The following ZNF236 variants were observed in gnomAD, a reference collection of about 807,000 sequenced individuals.
The protein encoded by ZNF236 is regulated by glucose.
ZNF236 carries 50 observed loss-of-function variants against 191.2 expected under a neutral mutation model. The ratio of observed to expected loss-of-function variants is 0.26; its 90% CI spans 0.21 to 0.33. The LOEUF (loss-of-function observed/expected upper bound fraction) is 0.33. Among genes scored for constraint, ZNF236 ranks in the 10% least tolerant of loss-of-function variants. The pLI, the probability that ZNF236 is intolerant of heterozygous loss-of-function variation, is 1.00. For synonymous variants in ZNF236, 907 were observed against 928.8 expected (o/e 0.98, Z 0.43); for missense variants, 1,754 against 2,374.5 (o/e 0.74, Z 5.43).
chr18:76,930,671 C>A (rs962032747), intron 25 of ZNF236, among the ~76,000 whole-genome samples: 1 of 152,094 alleles, frequency 6.6e-6, no homozygotes, highest in African/African-American at 2.4e-5. Context: ...GGCAAGCCTG[C>A]CCAGTGGAGG....
At chr18:76,831,574 G>A (rs925027162) in intron 1 of ZNF236, among the ~76,000 whole-genome samples, 6 of 152,100 alleles carry the variant, frequency 3.9e-5, no homozygotes, top group African/African-American at 1.2e-4. Flanking sequence ...CTGCTGGGTT[G>A]TATGGGAAAA....
In ZNF236 at chr18:76,968,690, C is replaced by G. The variant is rs1009498460; in HGVS notation, c.*351C>G. On this transcript the variant is annotated 3_prime_UTR_variant, in exon 31 of 31. Coordinates refer to ENST00000320610, the MANE Select transcript of ZNF236 (RefSeq NM_001306089.2). The stretch of plus-strand genomic sequence containing the variant: ...CTTTGTATTAGCAAAGACAAAAACG[C>G]TAACATTGAAAAAGTATGTCAGATT... The G allele has an allele frequency of 2.0e-5, 20 of 1,016,446 alleles. No homozygotes were observed. The highest frequency in any genetic ancestry group is 2.4e-5 in the Non-Finnish European group (20 of 850,658). 63.0% of individuals were successfully genotyped at this position (1,016,446 alleles called of 1,614,324 possible).
chr18:76,917,784 G>A (rs1967412605), intron 19 of ZNF236, among the ~76,000 whole-genome samples: 1 of 152,062 alleles, frequency 6.6e-6, no homozygotes, highest in Middle Eastern at 3.2e-3. Flanking sequence ...GTGTGTTGGT[G>A]GGGCCGCTAT....
chr18:76,958,287 GT>G (rs1968572277), intron 28 of ZNF236, among the ~76,000 whole-genome samples: 1 of 152,204 alleles, frequency 6.6e-6, no homozygotes, highest in South Asian at 2.1e-4. Flanking sequence ...GGAGAACTAG[GT>G]TTACGTAACC....
At chr18:76,874,341 G>GT (rs1568206810) in intron 5 of ZNF236, among the ~76,000 whole-genome samples, 4 of 152,176 alleles carry the variant, frequency 2.6e-5, no homozygotes, top group Non-Finnish European at 5.9e-5. Flanking sequence ...TTCTTAGGGA[G>GT]TGAAAATTTA....
At chr18:76,856,841 C>T (rs969023987) in intron 3 of ZNF236, among the ~76,000 whole-genome samples, 1 of 152,150 alleles carries the variant, frequency 6.6e-6, no homozygotes, top group Non-Finnish European at 1.5e-5. Context: ...TCAGTCTGTT[C>T]ATTTATGGAT....
chr18:76,840,817 T>C (rs1247722245), intron 1 of ZNF236: 13 of 102,190 alleles, frequency 1.3e-4, no homozygotes, highest in Non-Finnish European at 4.0e-5. Flanking sequence ...GTGTTTTCTT[T>C]CTTTCTTTTT....
chr18:76,971,038 C>T lies in ZNF236; in HGVS notation c.*2699C>T, dbSNP rs1335370124. Among the ~76,000 whole-genome samples, 1 of 152,184 alleles carries T rather than the reference C, an allele frequency of 6.6e-6. No homozygotes were observed. Among genetic ancestry groups the T allele is most frequent in the African/African-American group, 2.4e-5 (1 of 41,440 alleles). On this transcript the variant is annotated 3_prime_UTR_variant, in exon 31 of 31. Coordinates refer to ENST00000320610, the MANE Select transcript of ZNF236 (RefSeq NM_001306089.2). ...GTCATTGAGGAACCTTTTGAAAGTT[C>T]CTAAGTGTTTTGATCCTGCTTGTGT...
Position 76,919,616 on chromosome 18 carries a change from A to G in ZNF236, c.3275-160A>G, listed in dbSNP as rs571597790. On this transcript the variant is annotated intron_variant, in intron 19 of 30. Coordinates refer to ENST00000320610, the MANE Select transcript of ZNF236 (RefSeq NM_001306089.2). This position sits in a 1 kb window ranked among gnomAD's most constrained non-coding sequence, Gnocchi z 5.3. ...TTCTTTCCATGACCTAAGTTTCTCA[A>G]TAGAGGTGGGAAAATATAGCAACTC... Among the ~76,000 whole-genome samples, 5 of 152,178 alleles carry G rather than the reference A, an allele frequency of 3.3e-5. No individual in the cohort carries two copies. The East Asian group carries it at 7.7e-4, about 23-fold the overall frequency.
rs1219226173 is a variant in ZNF236, at chr18:76,925,375, C to T, written c.3848C>T (p.Ala1283Val). Residue 1283 changes from alanine (A) to valine (V), a missense_variant, in exon 22 of 31, where the codon GCC becomes GTC. Transcript: ENST00000320610. The surrounding 1 kb of genome is among the most constrained non-coding windows in gnomAD (Gnocchi z 5.7). Reference protein sequence around the residue: ...QFHYKPDPKKARKPMTRSSSE... With the variant: ...QFHYKPDPKKVRKPMTRSSSE... ...CATTATAAACCAGACCCAAAGAAGG[C>T]CAGAAAGCCTATGACTCGAAGCTCA... 1 of 1,614,030 alleles carries T rather than the reference C, an allele frequency of 6.2e-7. No homozygotes were observed. Among genetic ancestry groups the T allele is most frequent in the Non-Finnish European group, 8.5e-7 (1 of 1,180,040 alleles).
chr18:76,966,420 T>C (rs928902064), intron 30 of ZNF236, among the ~76,000 whole-genome samples: 1 of 152,192 alleles, frequency 6.6e-6, no homozygotes, highest in Non-Finnish European at 1.5e-5. Flanking sequence ...CAGAAATTTA[T>C]TGGAGTAAAA....
Position 76,875,736 on chromosome 18 carries a change from C to G in ZNF236, c.840+72C>G. 2 of 1,297,506 alleles carry G rather than the reference C, an allele frequency of 1.5e-6. No homozygotes were observed. Among genetic ancestry groups the G allele is most frequent in the Non-Finnish European group, 2.0e-6 (2 of 1,005,166 alleles). The allele number at this position is 1,297,506 out of a possible 1,614,324, so 80.4% of individuals were successfully genotyped here. ...GGTATCTTTTGGGTTAATAAACGGA[C>G]CTGAGAAATTCTTTTCCATTTAAAA... On this transcript the variant is annotated intron_variant, in intron 6 of 30. Coordinates refer to ENST00000320610, the MANE Select transcript of ZNF236 (RefSeq NM_001306089.2). The surrounding 1 kb of genome is among the most constrained non-coding windows in gnomAD (Gnocchi z 4.3).
chr18:76,838,545 T>G (rs772656096), intron 1 of ZNF236, among the ~76,000 whole-genome samples: 1 of 152,166 alleles, frequency 6.6e-6, no homozygotes, highest in Non-Finnish European at 1.5e-5. Context: ...GGTCAGGTGG[T>G]AAATGTTTTA....
chr18:76,913,871 C>A lies in ZNF236; in HGVS notation c.3034C>A (p.Leu1012Ile). 6.2e-7 allele frequency: 1 copy of A among 1,614,210 alleles called. No individual in the cohort carries two copies. The highest frequency in any genetic ancestry group is 8.5e-7 in the Non-Finnish European group (1 of 1,180,028). Residue 1012 changes from leucine to isoleucine, a missense_variant, in exon 18 of 31, where the codon CTC becomes ATC. Physicochemically the swap from Leu to Ile is conservative, Grantham distance 5. Coordinates refer to ENST00000320610, the MANE Select transcript of ZNF236 (RefSeq NM_001306089.2). ...CGRGFVSSGV[L>I]KSHEKTHTGV... ...ACGCGGCTTTGTTTCCTCTGGGGTCCTCAAGTCCCACGAGAAGACACACAC... is the reference window on the plus strand; with the variant it reads ...ACGCGGCTTTGTTTCCTCTGGGGTCATCAAGTCCCACGAGAAGACACACAC...
intron 10 of ZNF236, chr18:76,898,045 C>T (rs938908299): frequency 1.3e-5 from 2 of 152,134 alleles, no homozygotes; most frequent in African/African-American, 2.4e-5. Flanking sequence ...GACTTCTGTC[C>T]GGATCAGATT....
intron 18 of ZNF236, 111 bp from the exon 19 acceptor site, chr18:76,915,536 G>T: frequency 2.1e-6 from 2 of 958,192 alleles, no homozygotes; most frequent in Non-Finnish European, 3.2e-6. Context: ...TAAGCCTCAG[G>T]ATAATGTTGT....
At chr18:76,873,570 G>A (rs767587619) in intron 5 of ZNF236, among the ~76,000 whole-genome samples, 2 of 152,214 alleles carry the variant, frequency 1.3e-5, no homozygotes, top group Non-Finnish European at 2.9e-5. Flanking sequence ...GCAATTCCGT[G>A]TTCTGGGCTT....
At chr18:76,834,068 G>T (rs1056911798) in intron 1 of ZNF236, among the ~76,000 whole-genome samples, 1 of 152,174 alleles carries the variant, frequency 6.6e-6, no homozygotes, top group South Asian at 2.1e-4. Context: ...ATTTTACTTT[G>T]TGTCAGTTTT....
Position 76,913,904 on chromosome 18 carries a change from T to C in ZNF236, c.3061+6T>C. On this transcript the variant is annotated splice_donor_region_variant and intron_variant, in intron 18 of 30. Transcript: ENST00000320610. ...CCACGAGAAGACACACACAGGTCAC[T>C]GTCTGCCTTATACTTGGAGATTAGT... The C allele has an allele frequency of 1.2e-6, 2 of 1,614,152 alleles. No individual in the cohort carries two copies. The highest frequency in any genetic ancestry group is 1.7e-5 in the Admixed American group (1 of 60,020).
Sources: allele counts gnomAD v4.1 joint callset (sites outside exome capture counted in the v4.1 genomes callset), GRCh38; gene constraint gnomAD v4.1.1; non-coding constraint Gnocchi (gnomAD v3.1); transcripts MANE v1.5; gene names NCBI Gene and HGNC (gene_info 2026-07-23, HGNC 2026-07-21).